The following CFAP77 variants were observed in gnomAD, a reference collection of about 807,000 sequenced individuals.
CFAP77 encodes the protein cilia and flagella associated protein 77.
CFAP77 carries 25 observed loss-of-function variants against 31.1 expected under a neutral mutation model. The observed-to-expected ratio is 0.80, with a 90% CI of 0.59 to 1.12. The LOEUF (loss-of-function observed/expected upper bound fraction) is 1.12. Among genes scored for constraint, CFAP77 ranks in the 50% most tolerant of loss-of-function variants. The probability of loss-of-function intolerance (pLI) is 0.00; values close to 1 mark genes in which losing one functional copy is unlikely to be tolerated. For missense variants in CFAP77, 377 were observed against 397.3 expected, an observed-to-expected ratio of 0.95 and a Z score of 0.44; for synonymous variants, 151 against 159.9, an observed-to-expected ratio of 0.94 and a Z score of 0.42.
chr9:132,500,534 TA>T (rs148512098), intron 3 of CFAP77, among the ~76,000 whole-genome samples: 3,245 of 152,308 alleles, frequency 0.021, 104 homozygotes, highest in African/African-American at 0.075. Flanking sequence ...AGGTTTCACT[TA>T]TACATAGTGA....
rs528531786 is a variant in CFAP77 at position 132,505,186 on chromosome 9, C to A, written c.524+5586C>A. Among the ~76,000 whole-genome samples the A allele has an allele frequency of 2.6e-5, 4 of 152,286 alleles. No individual in the cohort carries two copies. In the South Asian group the frequency reaches 6.2e-4, roughly 24 times the overall value. The stretch of plus-strand genomic sequence containing the variant: ...CCACCCTGTGAGCTACGATTCTGAC[C>A]ACAGCCAGCCCCCCAACCCCCATCC... On this transcript the variant is annotated intron_variant, in intron 3 of 5. Transcript: ENST00000393216.
chr9:132,548,403 G>A (rs999881685), intron 5 of CFAP77, among the ~76,000 whole-genome samples: 1 of 152,070 alleles, frequency 6.6e-6, no homozygotes, highest in African/African-American at 2.4e-5. Flanking sequence ...GTTTTTAAAA[G>A]ATGGAGATCC....
At chr9:132,496,916 G>A (rs898753741) in intron 1 of CFAP77, among the ~76,000 whole-genome samples, 4 of 152,214 alleles carry the variant, frequency 2.6e-5, no homozygotes, top group African/African-American at 7.2e-5. Context: ...GAAACCATGA[G>A]GGTGGCAAGT....
intron 1 of CFAP77, among the ~76,000 whole-genome samples, chr9:132,460,975 C>T (rs1224620852): frequency 6.6e-6 from 1 of 152,152 alleles, no homozygotes; most frequent in Non-Finnish European, 1.5e-5. Flanking sequence ...ATTTACCTGC[C>T]TCAGTCTCCC....
chr9:132,538,812 G>A (rs971728660), intron 4 of CFAP77, among the ~76,000 whole-genome samples: 8 of 151,548 alleles, frequency 5.3e-5, no homozygotes, highest in African/African-American at 1.7e-4. Flanking sequence ...TCCTGGCTGG[G>A]TACGGTGGCT....
intron 3 of CFAP77, among the ~76,000 whole-genome samples, chr9:132,505,329 A>G (rs1157444351): frequency 2.6e-5 from 4 of 152,240 alleles, no homozygotes; most frequent in African/African-American, 9.6e-5. Context: ...AGCCGAATTT[A>G]GATTATTCAA....
At chr9:132,537,402 C>A (rs539389827) in intron 3 of CFAP77, among the ~76,000 whole-genome samples, 199 bp from the exon 4 acceptor site, 1 of 152,286 alleles carries the variant, frequency 6.6e-6, no homozygotes, top group African/African-American at 2.4e-5. Context: ...CTACCACCGT[C>A]CCAGGCCCAC....
In CFAP77 at chr9:132,481,954, A is replaced by C. The variant is rs1185534834; in HGVS notation, c.196-16741A>C. ...TGTTCTCAGGAAGGAACAAGGGTTTATGGTTGGGGGGGGGGGGGGCGGCGG... is the reference window on the plus strand; with the variant it reads ...TGTTCTCAGGAAGGAACAAGGGTTTCTGGTTGGGGGGGGGGGGGGCGGCGG... On this transcript the variant is annotated intron_variant, in intron 1 of 5. Transcript: ENST00000393216. This position sits in a 1 kb window ranked among gnomAD's most constrained non-coding sequence, Gnocchi z 5.0. Among the ~76,000 whole-genome samples, 1 of 32,016 alleles carries C rather than the reference A, an allele frequency of 3.1e-5. No individual in the cohort carries two copies. The highest frequency in any genetic ancestry group is 1.4e-4 in the African/African-American group (1 of 6,976). The allele number at this position is 32,016 out of a possible 152,430, so 21.0% of individuals were successfully genotyped here. A position where few individuals can be genotyped will look rare whatever the true frequency, so the allele number is the denominator to read the frequency against.
At chr9:132,492,965 C>T (rs1235480005) in intron 1 of CFAP77, among the ~76,000 whole-genome samples, 1 of 152,128 alleles carries the variant, frequency 6.6e-6, no homozygotes, top group African/African-American at 2.4e-5. Context: ...CCGAGGACTC[C>T]CACGGCTCCA....
intron 3 of CFAP77, among the ~76,000 whole-genome samples, chr9:132,513,869 C>T (rs1487786144): frequency 6.6e-6 from 1 of 152,202 alleles, no homozygotes; most frequent in Non-Finnish European, 1.5e-5. Context: ...CCCATCTTCT[C>T]AACTCTTTCT....
At chr9:132,413,604 G>A (rs1023109221) in intron 1 of CFAP77, among the ~76,000 whole-genome samples, 1 of 152,156 alleles carries the variant, frequency 6.6e-6, no homozygotes, top group Non-Finnish European at 1.5e-5. Context: ...ATAGAATCCT[G>A]CTACAATAGC....
intron 1 of CFAP77, among the ~76,000 whole-genome samples, chr9:132,445,228 C>T (rs1347947170): frequency 6.6e-6 from 1 of 152,168 alleles, no homozygotes; most frequent in Non-Finnish European, 1.5e-5. Context: ...CCCGCCTCAG[C>T]CTCCCAAAGT....
chr9:132,446,231 G>C (rs1266562173), intron 1 of CFAP77, among the ~76,000 whole-genome samples: 1 of 152,086 alleles, frequency 6.6e-6, no homozygotes, highest in South Asian at 2.1e-4. Context: ...TTAAAATCTA[G>C]GAAATTAAAG....
intron 1 of CFAP77, among the ~76,000 whole-genome samples, chr9:132,468,791 G>GCACACA (rs35585148): frequency 1.3e-5 from 2 of 148,680 alleles, no homozygotes; most frequent in Middle Eastern, 3.4e-3. Context: ...ACACACACAC[G>GCACACA]CACACACACA....
At position 132,517,165 on chromosome 9, in the gene CFAP77, C is replaced by A. The variant is rs961075672; in HGVS notation, c.524+17565C>A. ...CGTGGAGAGAAGCCCAGCCCTCCAG[C>A]CTTCTCCCTCCTCCCAAACCAGCCA... On this transcript the variant is annotated intron_variant, in intron 3 of 5. Coordinates refer to ENST00000393216, the MANE Select transcript of CFAP77 (RefSeq NM_001282957.2). The surrounding 1 kb of genome is among the most constrained non-coding windows in gnomAD (Gnocchi z 4.7). Among the ~76,000 whole-genome samples, 3 of 152,148 alleles carry A rather than the reference C, an allele frequency of 2.0e-5. No individual in the cohort carries two copies. Among genetic ancestry groups the A allele is most frequent in the African/African-American group, 7.2e-5 (3 of 41,438 alleles).
At chr9:132,542,620 G>A (rs374986960) in intron 4 of CFAP77, among the ~76,000 whole-genome samples, 46 of 152,298 alleles carry the variant, frequency 3.0e-4, no homozygotes, top group African/African-American at 1.1e-3. Context: ...CGTGAGCCAC[G>A]GAGGACAAGT....
At chr9:132,513,826 A>G (rs558287271) in intron 3 of CFAP77, among the ~76,000 whole-genome samples, 12 of 152,288 alleles carry the variant, frequency 7.9e-5, no homozygotes, top group East Asian at 5.8e-4. Flanking sequence ...GACAACCCCA[A>G]TTGTCCTTCC....
In CFAP77 at chr9:132,517,092, CGGCTCCACTTCTG is replaced by C. The variant is rs1852162197; in HGVS notation, c.524+17495_524+17507del. 6.6e-6 allele frequency among the ~76,000 whole-genome samples: 1 copy of C among 152,172 alleles called. No homozygotes were observed. Among genetic ancestry groups the C allele is most frequent in the Non-Finnish European group, 1.5e-5 (1 of 68,036 alleles). ...GGTGGAGAGGGTGGATCTCCCTAGA[CGGCTCCACTTCTG>C]GGTGTCCCTCATGGATCGGGTGTCG... On this transcript the variant is annotated intron_variant, in intron 3 of 5. Coordinates refer to ENST00000393216, the MANE Select transcript of CFAP77 (RefSeq NM_001282957.2). This position sits in a 1 kb window ranked among gnomAD's most constrained non-coding sequence, Gnocchi z 4.7.
rs1408955798 is a variant in CFAP77 at position 132,554,940 on chromosome 9, C to G, written c.732+11893C>G. On this transcript the variant is annotated intron_variant, in intron 5 of 5. Coordinates refer to ENST00000393216, the MANE Select transcript of CFAP77 (RefSeq NM_001282957.2). The surrounding 1 kb of genome is among the most constrained non-coding windows in gnomAD (Gnocchi z 4.1). Reference sequence around the variant, plus strand: ...TGCATGCATGCATCCATCCATCCACCCATCCATCCATCCATCCATCCATCC... The same window carrying G: ...TGCATGCATGCATCCATCCATCCACGCATCCATCCATCCATCCATCCATCC... Among the ~76,000 whole-genome samples, 12 of 31,324 alleles carry G rather than the reference C, an allele frequency of 3.8e-4. No individual in the cohort carries two copies. The highest frequency in any genetic ancestry group is 3.2e-3 in the Admixed American group (7 of 2,198). 20.5% of individuals were successfully genotyped at this position (31,324 alleles called of 152,430 possible). A position where few individuals can be genotyped will look rare whatever the true frequency, so the allele number is the denominator to read the frequency against.
Sources: gnomAD v4.1 joint callset for allele counts (sites outside exome capture counted in the v4.1 genomes callset) on GRCh38, gnomAD v4.1.1 for gene constraint, Gnocchi (gnomAD v3.1) non-coding constraint, MANE v1.5 for transcripts, NCBI Gene and HGNC (gene_info 2026-07-23, HGNC 2026-07-21) for gene names.